Variants in EPB41L5 observed in about 807,000 individuals in gnomAD.
EPB41L5 encodes the protein band 4.1-like protein 5.
A neutral mutation model predicts 106.6 loss-of-function variants in EPB41L5; 55 were observed. That is an observed-to-expected ratio of 0.52 (90% CI 0.42 to 0.65). The LOEUF is 0.65. Among genes scored for constraint, EPB41L5 ranks in the 30% least tolerant of loss-of-function variants. The probability of loss-of-function intolerance (pLI) is 0.00; values close to 1 mark genes in which losing one functional copy is unlikely to be tolerated. For synonymous variants in EPB41L5, 297 were observed against 306.7 expected (o/e 0.97, Z 0.33); for missense variants, 871 against 882.1 (o/e 0.99, Z 0.16).
Position 120,061,031 on chromosome 2 carries a change from G to GTTTTTTTTTTTTT in EPB41L5, c.286-12132_286-12120dup, listed in dbSNP as rs375754153. On this transcript the variant is annotated intron_variant, in intron 3 of 24. Transcript: ENST00000263713. Reference sequence around the variant, plus strand: ...TTAGAATTTTAACTGGTTCAGGGAAGTTTTTTTTTTTTTTTTTTTTTTTTT... The same window carrying GTTTTTTTTTTTTT: ...TTAGAATTTTAACTGGTTCAGGGAAGTTTTTTTTTTTTTTTTTTTTTTTTTTTTTTTTTTTTTT... 1.5e-3 allele frequency among the ~76,000 whole-genome samples: 104 copies of GTTTTTTTTTTTTT among 69,128 alleles called. 21 individuals are homozygous for GTTTTTTTTTTTTT. The highest frequency in any genetic ancestry group is 2.2e-3 in the Non-Finnish European group (88 of 39,326). 45.4% of individuals were successfully genotyped at this position (69,128 alleles called of 152,430 possible). A position where few individuals can be genotyped will look rare whatever the true frequency, so the allele number is the denominator to read the frequency against.
chr2:120,161,038 T>C (rs1386759692), intron 21 of EPB41L5, 64 bp downstream of exon 21: 1 of 1,147,920 alleles, frequency 8.7e-7, no homozygotes, highest in Non-Finnish European at 1.3e-6. Context: ...TCTTGCAGTA[T>C]AACCAAGGGC....
intron 10 of EPB41L5, among the ~76,000 whole-genome samples, chr2:120,082,157 G>A (rs1172459354): frequency 1.3e-5 from 2 of 152,150 alleles, no homozygotes; most frequent in Non-Finnish European, 2.9e-5. Flanking sequence ...TTGAATAGGA[G>A]TGGTGAGAGA....
chr2:120,072,931 A>G (rs965081772), intron 3 of EPB41L5, among the ~76,000 whole-genome samples: 3 of 150,194 alleles, frequency 2.0e-5, no homozygotes, highest in African/African-American at 7.4e-5. Context: ...AAAGTATTTA[A>G]AAAAAAAAAA....
intron 16 of EPB41L5, among the ~76,000 whole-genome samples, chr2:120,111,812 C>T (rs763901250): frequency 1.5e-4 from 23 of 152,152 alleles, no homozygotes; most frequent in Non-Finnish European, 1.3e-4. Context: ...GTCCTTGTCT[C>T]GGAGTAAAAC....
chr2:120,051,820 T>C (rs1039554149), intron 3 of EPB41L5, among the ~76,000 whole-genome samples: 6 of 110,202 alleles, frequency 5.4e-5, no homozygotes, highest in Non-Finnish European at 1.3e-4. Context: ...TCTTGGAACC[T>C]CCTGCATTGT....
chr2:120,094,828 T>A (rs1210087483), intron 14 of EPB41L5, among the ~76,000 whole-genome samples: 1 of 152,180 alleles, frequency 6.6e-6, no homozygotes, highest in Non-Finnish European at 1.5e-5. Flanking sequence ...CTTAGGAGTG[T>A]GTTGCTAAAT....
chr2:120,025,914 G>T (rs538364877), intron 2 of EPB41L5, among the ~76,000 whole-genome samples: 2 of 152,202 alleles, frequency 1.3e-5, no homozygotes, highest in African/African-American at 4.8e-5. Flanking sequence ...GTTGGTGTGC[G>T]ACTGGCACAA....
In EPB41L5 at chr2:120,090,701, A is replaced by G. The variant is rs72841614; in HGVS notation, c.1043+185A>G. 3.5e-3 allele frequency among the ~76,000 whole-genome samples: 534 copies of G among 152,340 alleles called. 1 individual carries two copies. Among genetic ancestry groups the G allele is most frequent in the Non-Finnish European group, 5.6e-3 (380 of 68,038 alleles). ...TGTTATTGGTTATAATTTCTTGAAT[A>G]GATGCGTAAACAGTAATTGTATAAT... On this transcript the variant is annotated intron_variant, in intron 12 of 24. Coordinates refer to ENST00000263713, the MANE Select transcript of EPB41L5 (RefSeq NM_020909.4).
chr2:120,096,336 T>C (rs1233942042), intron 14 of EPB41L5, among the ~76,000 whole-genome samples: 2 of 152,216 alleles, frequency 1.3e-5, no homozygotes, highest in East Asian at 3.8e-4. Context: ...GTCAATAGGC[T>C]GTTGAAAATA....
intron 3 of EPB41L5, among the ~76,000 whole-genome samples, chr2:120,044,321 A>G (rs1317335927): frequency 6.6e-6 from 1 of 152,124 alleles, no homozygotes; most frequent in Admixed American, 6.5e-5. Flanking sequence ...ATGGCAGGGA[A>G]TTAGTCTTAC....
chr2:120,116,060 C>A (rs1684934814), intron 16 of EPB41L5, among the ~76,000 whole-genome samples: 1 of 152,166 alleles, frequency 6.6e-6, no homozygotes, highest in Admixed American at 6.5e-5. Flanking sequence ...ACCTGCCCGC[C>A]TCAGCCTCCC....
chr2:120,035,527 A>G (rs1362453378), intron 2 of EPB41L5, among the ~76,000 whole-genome samples: 2 of 152,166 alleles, frequency 1.3e-5, no homozygotes, highest in African/African-American at 4.8e-5. Flanking sequence ...CAATAAACCA[A>G]CTTCAGTGAT....
At chr2:120,020,703 G>T (rs1382891622) in intron 2 of EPB41L5, among the ~76,000 whole-genome samples, 1 of 152,036 alleles carries the variant, frequency 6.6e-6, no homozygotes, top group Admixed American at 6.6e-5. Flanking sequence ...GTGGTGAAAA[G>T]CCTGAGATTG....
At chr2:120,046,603 G>A (rs908140069) in intron 3 of EPB41L5, among the ~76,000 whole-genome samples, 2 of 151,356 alleles carry the variant, frequency 1.3e-5, no homozygotes, top group Non-Finnish European at 2.9e-5. Context: ...CTCCCATTCT[G>A]TAGGTTGCCT....
intron 14 of EPB41L5, among the ~76,000 whole-genome samples, chr2:120,099,341 TG>T (rs67847609): frequency 0.57 from 82,027 of 144,824 alleles, 25,130 homozygotes; most frequent in Middle Eastern, 0.69. Context: ...CTGTAGTTTC[TG>T]GGTTTTTTTT....
At chr2:120,142,235 T>C (rs1230519547) in intron 18 of EPB41L5, among the ~76,000 whole-genome samples, 1 of 152,116 alleles carries the variant, frequency 6.6e-6, no homozygotes, top group Non-Finnish European at 1.5e-5. Context: ...TCTCCTTCAT[T>C]ATCCCCTTCC....
At chr2:120,124,912 A>G (rs1685392296) in intron 16 of EPB41L5, among the ~76,000 whole-genome samples, 1 of 152,166 alleles carries the variant, frequency 6.6e-6, no homozygotes, top group Non-Finnish European at 1.5e-5. Context: ...ATGTTTTGTT[A>G]AGGTGATATC....
chr2:120,133,297 A>G (rs546000932), intron 18 of EPB41L5, among the ~76,000 whole-genome samples: 20 of 152,274 alleles, frequency 1.3e-4, no homozygotes, highest in African/African-American at 4.6e-4. Flanking sequence ...AGAACCGGAA[A>G]TCAGGTGAAC....
intron 3 of EPB41L5, among the ~76,000 whole-genome samples, chr2:120,049,278 T>C (rs1025913747): frequency 6.6e-6 from 1 of 152,182 alleles, no homozygotes; most frequent in Non-Finnish European, 1.5e-5. Flanking sequence ...AGTCTCCCAT[T>C]ATTATTGTGT....
Sources: gnomAD v4.1 joint callset for allele counts (sites outside exome capture counted in the v4.1 genomes callset) on GRCh38, gnomAD v4.1.1 for gene constraint, MANE v1.5 for transcripts, NCBI Gene and HGNC (gene_info 2026-07-23, HGNC 2026-07-21) for gene names.